KANSL1L: variants seen among roughly 807,000 people sequenced by gnomAD.
KANSL1L encodes the protein KAT8 regulatory NSL complex subunit 1-like protein.
Under a neutral mutation model 108.6 loss-of-function variants are expected in KANSL1L, and 25 were observed. The ratio of observed to expected loss-of-function variants is 0.23; its 90% CI spans 0.17 to 0.32. The LOEUF is 0.32. Ranked by LOEUF, KANSL1L falls within the 10% of genes least tolerant of loss-of-function variation. The pLI is 1.00. For missense variants in KANSL1L, 1,137 were observed against 1,125.7 expected (o/e 1.01, Z -0.14); for synonymous variants, 405 against 395.1 (o/e 1.03, Z -0.30).
At chr2:210,116,945 G>A (rs140509991) in intron 3 of KANSL1L, among the ~76,000 whole-genome samples, 5 of 152,220 alleles carry the variant, frequency 3.3e-5, no homozygotes, top group African/African-American at 7.2e-5. Context: ...CCTTTCAGAC[G>A]CAGAACTGAA....
intron 3 of KANSL1L, 143 bp downstream of exon 3, chr2:210,128,888 T>A (rs2095093302): frequency 1.7e-6 from 1 of 603,644 alleles, no homozygotes; most frequent in East Asian, 3.1e-5. Flanking sequence ...ATAGCTTCAA[T>A]TTATAATAAT....
intron 5 of KANSL1L, among the ~76,000 whole-genome samples, chr2:210,091,658 G>A (rs536610866): frequency 1.3e-5 from 2 of 152,202 alleles, no homozygotes; most frequent in African/African-American, 4.8e-5. Context: ...AATCTGAATC[G>A]ATTTCCTCCT....
intron 2 of KANSL1L, among the ~76,000 whole-genome samples, chr2:210,130,928 T>C (rs981561737): frequency 2.0e-5 from 3 of 151,844 alleles, no homozygotes; most frequent in Non-Finnish European, 4.4e-5. Context: ...GGAAAACAAC[T>C]AAGATGTTAT....
intron 10 of KANSL1L, 161 bp from the exon 11 acceptor site, chr2:210,029,130 A>G (rs2093979479): frequency 1.8e-6 from 1 of 566,100 alleles, no homozygotes; most frequent in African/African-American, 2.0e-5. Flanking sequence ...CCAAAAAATA[A>G]AACATTTTTC....
chr2:210,025,281 G>T (rs2093920842), intron 12 of KANSL1L, 65 bp from the exon 13 acceptor site: 1 of 993,852 alleles, frequency 1.0e-6, no homozygotes, highest in African/African-American at 1.6e-5. Context: ...ATCAGGCTGG[G>T]CACGGTGGCT....
At chr2:210,167,884 T>C (rs1046412154) in intron 1 of KANSL1L, among the ~76,000 whole-genome samples, 9 of 151,996 alleles carry the variant, frequency 5.9e-5, no homozygotes, top group African/African-American at 2.2e-4. Context: ...ACCGTTTTTA[T>C]TAACATTTGC....
At chr2:210,085,512 G>T (rs2094628787) in intron 5 of KANSL1L, among the ~76,000 whole-genome samples, 1 of 152,092 alleles carries the variant, frequency 6.6e-6, no homozygotes, top group African/African-American at 2.4e-5. Flanking sequence ...CATAAAGTTT[G>T]TCAAATATTT....
intron 5 of KANSL1L, chr2:210,097,266 T>C (rs1259919759): frequency 1.1e-6 from 1 of 945,592 alleles, no homozygotes; most frequent in Non-Finnish European, 1.3e-6. Flanking sequence ...CTTAGCATAA[T>C]TTTCACCATG....
At chr2:210,128,088 G>A (rs751322983) in intron 3 of KANSL1L, among the ~76,000 whole-genome samples, 11 of 152,140 alleles carry the variant, frequency 7.2e-5, no homozygotes, top group Non-Finnish European at 1.3e-4. Flanking sequence ...TCATTAGGGA[G>A]GTTACTATAA....
intron 9 of KANSL1L, chr2:210,031,016 C>T (rs943376460): frequency 6.4e-6 from 1 of 156,006 alleles, no homozygotes; most frequent in Non-Finnish European, 1.4e-5. Flanking sequence ...TAAGTTGAAT[C>T]TTGTTGACTT....
At chr2:210,101,372 C>T (rs902929735) in intron 4 of KANSL1L, among the ~76,000 whole-genome samples, 2 of 151,992 alleles carry the variant, frequency 1.3e-5, no homozygotes, top group African/African-American at 4.8e-5. Flanking sequence ...CAGGTCCAAC[C>T]TAAAAAAACT....
chr2:210,105,364 T>G (rs912195294), intron 3 of KANSL1L, among the ~76,000 whole-genome samples: 3 of 144,918 alleles, frequency 2.1e-5, no homozygotes, highest in Admixed American at 6.9e-5. Context: ...TATATATATA[T>G]TTGAAAAAAA....
intron 6 of KANSL1L, among the ~76,000 whole-genome samples, chr2:210,060,425 A>G (rs937815212): frequency 1.3e-5 from 2 of 152,234 alleles, no homozygotes; most frequent in African/African-American, 4.8e-5. Flanking sequence ...CAATTTATAC[A>G]TGTTAGGTCA....
At chr2:210,158,663 T>C (rs964202971) in intron 1 of KANSL1L, among the ~76,000 whole-genome samples, 1 of 151,620 alleles carries the variant, frequency 6.6e-6, no homozygotes, top group African/African-American at 2.4e-5. Flanking sequence ...GGGATTTCCA[T>C]TAAGTCCTTC....
rs577048633 is a variant in KANSL1L, at chr2:210,059,410, A to G, written c.1756-15306T>C. ...TCCTATTTTTATGGATGAGGAAAAC[A>G]AAGTAGTAAGTAATTTGCACAGTAC... On this transcript the variant is annotated intron_variant, in intron 6 of 14. Coordinates refer to ENST00000281772, the MANE Select transcript of KANSL1L (RefSeq NM_152519.4). Among the ~76,000 whole-genome samples the G allele has an allele frequency of 3.3e-5, 5 of 152,174 alleles. No individual in the cohort carries two copies. The South Asian group carries it at 1.0e-3, about 31-fold the overall frequency.
chr2:210,163,925 T>C (rs1411274776), intron 1 of KANSL1L, among the ~76,000 whole-genome samples: 3 of 151,994 alleles, frequency 2.0e-5, no homozygotes, highest in African/African-American at 7.2e-5. Flanking sequence ...CTATCCAAAA[T>C]GGTAAAATTA....
intron 3 of KANSL1L, among the ~76,000 whole-genome samples, chr2:210,118,342 C>A (rs112311378): frequency 0.016 from 2,429 of 151,164 alleles, 68 homozygotes; most frequent in African/African-American, 0.056. Context: ...GTGGTACATG[C>A]CAGTAATCCC....
At chr2:210,082,065 C>G (rs1242154956) in intron 5 of KANSL1L, among the ~76,000 whole-genome samples, 1 of 152,150 alleles carries the variant, frequency 6.6e-6, no homozygotes, top group Non-Finnish European at 1.5e-5. Context: ...CTCTGAGTAG[C>G]TGGGACTACA....
At chr2:210,127,692 G>T (rs1338600874) in intron 3 of KANSL1L, among the ~76,000 whole-genome samples, 2 of 150,626 alleles carry the variant, frequency 1.3e-5, no homozygotes, top group Admixed American at 6.6e-5. Context: ...TCAGCTACTT[G>T]GGAGTCTGAG....
Sources: allele counts gnomAD v4.1 joint callset (sites outside exome capture counted in the v4.1 genomes callset), GRCh38; gene constraint gnomAD v4.1.1; transcripts MANE v1.5; gene names NCBI Gene and HGNC (gene_info 2026-07-23, HGNC 2026-07-21).